Variants in PHF14 observed in about 807,000 individuals in gnomAD.
The protein encoded by PHF14 is PHD finger protein 14.
In PHF14, 55 loss-of-function variants were observed where a neutral mutation model predicts 117.9. That is an observed-to-expected ratio of 0.47 (90% CI 0.38 to 0.58). The LOEUF is 0.58. Among genes scored for constraint, PHF14 ranks in the 20% least tolerant of loss-of-function variants. The pLI, the probability that PHF14 is intolerant of heterozygous loss-of-function variation, is 0.00. For missense variants in PHF14, 978 were observed against 1,122.2 expected, an observed-to-expected ratio of 0.87 and a Z score of 1.84; for synonymous variants, 409 against 368.6, an observed-to-expected ratio of 1.11 and a Z score of -1.26.
chr7:11,157,523 TA>T (rs1312862559), intron 17 of PHF14, among the ~76,000 whole-genome samples: 2 of 152,158 alleles, frequency 1.3e-5, no homozygotes, highest in Non-Finnish European at 2.9e-5. Context: ...CCCTATATAG[TA>T]GACATTGTTT....
At chr7:11,021,511 T>C (rs1434659874) in intron 5 of PHF14, among the ~76,000 whole-genome samples, 2 of 152,154 alleles carry the variant, frequency 1.3e-5, no homozygotes, top group African/African-American at 4.8e-5. Flanking sequence ...GCCAGTCACA[T>C]TGAAATGGCA....
At chr7:11,113,010 C>A (rs1173119302) in intron 17 of PHF14, among the ~76,000 whole-genome samples, 1 of 151,744 alleles carries the variant, frequency 6.6e-6, no homozygotes, top group Admixed American at 6.6e-5. Flanking sequence ...AATAATGAAA[C>A]ACTATGGAGT....
chr7:11,068,108 C>G (rs536488376), intron 16 of PHF14, among the ~76,000 whole-genome samples: 1 of 152,086 alleles, frequency 6.6e-6, no homozygotes, highest in South Asian at 2.1e-4. Context: ...CCCAGCACTT[C>G]GGAAGGCCAA....
chr7:11,020,586 G>T (rs779730795), intron 5 of PHF14, among the ~76,000 whole-genome samples: 1 of 151,774 alleles, frequency 6.6e-6, no homozygotes, highest in Non-Finnish European at 1.5e-5. Context: ...ACCATGTTGC[G>T]CAGGCTGGTC....
At chr7:11,137,590 CTTTTTTTTTTT>C (rs5882293) in intron 17 of PHF14, among the ~76,000 whole-genome samples, 9 of 93,966 alleles carry the variant, frequency 9.6e-5, no homozygotes, top group African/African-American at 3.4e-4. Flanking sequence ...CTTAAAAATT[CTTTTTTTTTTT>C]TTTTTTTTTT....
chr7:11,036,834 T>G (rs1356472053), intron 9 of PHF14, 146 bp downstream of exon 9: 1 of 959,780 alleles, frequency 1.0e-6, no homozygotes, highest in Non-Finnish European at 1.5e-6. Context: ...TGTTGTGGGT[T>G]TTTACAAAAT....
rs529193358 is a variant in PHF14, at chr7:11,146,935, T to G, written c.2773-22481T>G. On this transcript the variant is annotated intron_variant, in intron 17 of 17. Coordinates refer to ENST00000634607, the MANE Select transcript of PHF14 (RefSeq NM_001007157.2). ...GATCACAGCTCACTGCAGCCTCAAC[T>G]TCCTGGGCTCAAGCAACTCTCCCTT... is the stretch of plus-strand genomic sequence containing the variant. 1.0e-3 allele frequency among the ~76,000 whole-genome samples: 156 copies of G among 152,196 alleles called. 1 individual carries two copies. The highest frequency in any genetic ancestry group is 3.7e-3 in the Admixed American group (56 of 15,274).
chr7:11,157,992 T>C (rs1308596394), intron 17 of PHF14, among the ~76,000 whole-genome samples: 1 of 152,188 alleles, frequency 6.6e-6, no homozygotes, highest in Admixed American at 6.5e-5. Context: ...GTTGTAAAAA[T>C]AGGATGGAGT....
At position 11,136,869 on chromosome 7, in the gene PHF14, T is replaced by G. The variant is rs149863580; in HGVS notation, c.2772+25402T>G. Among the ~76,000 whole-genome samples, 320 of 152,318 alleles carry G rather than the reference T, an allele frequency of 2.1e-3. 5 individuals carry two copies. Among genetic ancestry groups the G allele is most frequent in the African/African-American group, 7.3e-3 (305 of 41,574 alleles). ...TGTGGTCAACATGGTCATAATTATT[T>G]TAATTACTTAAAAAAAATTATGAAC... On this transcript the variant is annotated intron_variant, in intron 17 of 17. Transcript: ENST00000634607.
intron 14 of PHF14, among the ~76,000 whole-genome samples, chr7:11,054,708 T>C (rs981837637): frequency 6.6e-6 from 1 of 152,164 alleles, no homozygotes; most frequent in Non-Finnish European, 1.5e-5. Context: ...AAATACCTTT[T>C]GCAATATATA....
intron 14 of PHF14, among the ~76,000 whole-genome samples, chr7:11,056,118 A>G (rs1472485458): frequency 6.6e-6 from 1 of 152,158 alleles, no homozygotes; most frequent in African/African-American, 2.4e-5. Context: ...CAGTTTTTGT[A>G]GTGAACTAGA....
intron 17 of PHF14, among the ~76,000 whole-genome samples, chr7:11,116,311 T>C (rs1203877988): frequency 1.3e-5 from 2 of 151,954 alleles, no homozygotes; most frequent in Admixed American, 6.6e-5. Flanking sequence ...AGGTTCCTTT[T>C]AGTGGAAAAC....
intron 14 of PHF14, among the ~76,000 whole-genome samples, chr7:11,056,075 C>T (rs1309500125): frequency 6.6e-6 from 1 of 152,154 alleles, no homozygotes. Context: ...AAACCTCTAT[C>T]TGTCATAGAT....
chr7:11,002,326 C>T (rs1782905417), intron 4 of PHF14, among the ~76,000 whole-genome samples: 1 of 151,964 alleles, frequency 6.6e-6, no homozygotes, highest in Non-Finnish European at 1.5e-5. Context: ...TAGACAGCCA[C>T]AGGTGTAGGT....
At chr7:10,979,555 T>C (rs193157735) in intron 2 of PHF14, among the ~76,000 whole-genome samples, 3,000 of 143,054 alleles carry the variant, frequency 0.021, 44 homozygotes, top group Middle Eastern at 0.046. Context: ...TTCTCTCTCT[T>C]TTTTTTTTTT....
At chr7:11,061,912 C>G in intron 15 of PHF14, 52 bp from the exon 16 acceptor site, 1 of 1,533,090 alleles carries the variant, frequency 6.5e-7, no homozygotes, top group Non-Finnish European at 8.8e-7. Context: ...TTGTTTCCCT[C>G]ATATCCTTAT....
At chr7:11,140,343 G>A (rs1274199984) in intron 17 of PHF14, among the ~76,000 whole-genome samples, 1 of 152,010 alleles carries the variant, frequency 6.6e-6, no homozygotes, top group Admixed American at 6.6e-5. Context: ...TAAAACAAAT[G>A]TTCACAGCTC....
chr7:11,164,946 A>T (rs982730244), intron 17 of PHF14, among the ~76,000 whole-genome samples: 1 of 151,800 alleles, frequency 6.6e-6, no homozygotes, highest in African/African-American at 2.4e-5. Context: ...TTTTTTTGAG[A>T]CGGAGTCTCG....
At chr7:11,131,347 T>G (rs1048402569) in intron 17 of PHF14, among the ~76,000 whole-genome samples, 2 of 151,894 alleles carry the variant, frequency 1.3e-5, no homozygotes, top group African/African-American at 4.8e-5. Flanking sequence ...TGTTTTAGAT[T>G]TTAGCCATTC....
Sources: allele counts gnomAD v4.1 joint callset (sites outside exome capture counted in the v4.1 genomes callset), GRCh38; gene constraint gnomAD v4.1.1; transcripts MANE v1.5; gene names NCBI Gene and HGNC (gene_info 2026-07-23, HGNC 2026-07-21).